SLC7A2: variants seen among roughly 807,000 people sequenced by gnomAD.
The protein encoded by SLC7A2 is cationic amino acid transporter 2.
SLC7A2 carries 48 observed loss-of-function variants against 58.9 expected under a neutral mutation model. The observed-to-expected ratio is 0.82, with a 90% CI of 0.65 to 1.04. SLC7A2 has a LOEUF of 1.04. SLC7A2 is among the 50% of genes least tolerant of loss of function. SLC7A2 has a pLI of 0.00. For synonymous variants in SLC7A2, 363 were observed against 314.5 expected, an observed-to-expected ratio of 1.15 and a Z score of -1.63; for missense variants, 1,029 against 818.8, an observed-to-expected ratio of 1.26 and a Z score of -3.13.
chr8:17,543,845 G>A (rs1015549524), intron 3 of SLC7A2, 130 bp downstream of exon 3: 10 of 759,700 alleles, frequency 1.3e-5, no homozygotes, highest in Admixed American at 8.7e-5. Context: ...TTGTCATCTC[G>A]AAAATGTCTC....
intron 2 of SLC7A2, among the ~76,000 whole-genome samples, chr8:17,508,197 G>C (rs1203566806): frequency 7.2e-5 from 11 of 151,958 alleles, no homozygotes; most frequent in African/African-American, 2.2e-4. Flanking sequence ...GAGCAGACTT[G>C]GCAGAAAATT....
Position 17,566,549 on chromosome 8 carries a change from C to T in SLC7A2, c.*1403C>T, listed in dbSNP as rs1803272526. On this transcript the variant is annotated 3_prime_UTR_variant, in exon 13 of 13. Coordinates refer to ENST00000494857, the MANE Select transcript of SLC7A2 (RefSeq NM_001370338.1). ...CAAGCTCCAGTGTTATACAATAACC[C>T]ATCAGTGATTGGGGAATCAAACATT... 1 of 152,118 alleles carries T rather than the reference C, an allele frequency of 6.6e-6. No homozygotes were observed. Among genetic ancestry groups the T allele is most frequent in the Admixed American group, 6.5e-5 (1 of 15,274 alleles). The allele number at this position is 152,118 out of a possible 1,614,324, so 9.4% of individuals were successfully genotyped here.
Position 17,507,363 on chromosome 8 carries a change from G to A in SLC7A2, c.-23+5061G>A, listed in dbSNP as rs139225843. Among the ~76,000 whole-genome samples the A allele has an allele frequency of 5.3e-3, 806 of 152,238 alleles. 13 individuals carry two copies. Among genetic ancestry groups the A allele is most frequent in the African/African-American group, 0.019 (769 of 41,530 alleles). On this transcript the variant is annotated intron_variant, in intron 2 of 12. Transcript: ENST00000494857. ...AGCTGGAAACTATTTAAATGTGTGT[G>A]TGTGTGTGCATTATTATTATTTTTG...
chr8:17,564,259 G>A (rs1488507987), intron 12 of SLC7A2, among the ~76,000 whole-genome samples: 3 of 152,162 alleles, frequency 2.0e-5, no homozygotes, highest in Non-Finnish European at 4.4e-5. Context: ...GGTATAATTT[G>A]AGACTTTATT....
At position 17,556,222 on chromosome 8, in the gene SLC7A2, A is replaced by T. The variant is rs190240795; in HGVS notation, c.1195+1523A>T. ...TATTTTTAAACAACACATGATATTA[A>T]AGGTAGTTTATAAATATTTTTTGAC... On this transcript the variant is annotated intron_variant, in intron 8 of 12. Coordinates refer to ENST00000494857, the MANE Select transcript of SLC7A2 (RefSeq NM_001370338.1). 5.9e-5 allele frequency among the ~76,000 whole-genome samples: 9 copies of T among 152,232 alleles called. No individual in the cohort carries two copies. The East Asian group carries it at 9.6e-4, about 16-fold the overall frequency.
At chr8:17,559,117 G>A (rs1042507233) in intron 9 of SLC7A2, among the ~76,000 whole-genome samples, 1 of 152,062 alleles carries the variant, frequency 6.6e-6, no homozygotes, top group African/African-American at 2.4e-5. Flanking sequence ...TCTTTATATG[G>A]AGGGAAAATA....
intron 2 of SLC7A2, among the ~76,000 whole-genome samples, chr8:17,503,580 A>G (rs1484044811): frequency 1.3e-5 from 2 of 149,762 alleles, no homozygotes; most frequent in Admixed American, 6.7e-5. Context: ...CTTCATGATA[A>G]TTTGTATCAA....
intron 2 of SLC7A2, among the ~76,000 whole-genome samples, chr8:17,531,916 A>G (rs1321795160): frequency 1.9e-4 from 29 of 152,086 alleles, no homozygotes; most frequent in Admixed American, 2.6e-4. Context: ...CTTAAAGATT[A>G]TGGATATTTC....
At position 17,543,580 on chromosome 8, in the gene SLC7A2, A is replaced by T. The variant is rs1459039067; in HGVS notation, c.241A>T (p.Met81Leu). The change falls in exon 3 of 13, where the codon ATG (methionine) becomes TTG (leucine). Residue 81 changes from methionine to leucine, a missense_variant. By Grantham distance (15) the Met-to-Leu change is conservative. Transcript: ENST00000494857. ...SFLIAALASV[M>L]AGLCYAEFGA... Reference sequence around the variant, plus strand: ...CCTCATTGCTGCCCTGGCTTCAGTGATGGCTGGCCTCTGCTATGCCGAATT... The same window carrying T: ...CCTCATTGCTGCCCTGGCTTCAGTGTTGGCTGGCCTCTGCTATGCCGAATT... 2 of 1,610,532 alleles carry T rather than the reference A, an allele frequency of 1.2e-6. No individual in the cohort carries two copies. Among genetic ancestry groups the T allele is most frequent in the Non-Finnish European group, 1.7e-6 (2 of 1,178,374 alleles).
At chr8:17,511,957 A>C (rs538986532) in intron 2 of SLC7A2, among the ~76,000 whole-genome samples, 33 of 152,314 alleles carry the variant, frequency 2.2e-4, no homozygotes, top group African/African-American at 7.5e-4. Flanking sequence ...GTAAGAAAAT[A>C]ATCTCATTTG....
intron 2 of SLC7A2, among the ~76,000 whole-genome samples, chr8:17,532,935 A>G (rs1025148273): frequency 6.6e-6 from 1 of 152,148 alleles, no homozygotes. Context: ...ACTATAACTT[A>G]CTTTTCTGTC....
chr8:17,501,398 T>A lies in SLC7A2; in HGVS notation c.-68-859T>A, dbSNP rs150012968. 3.7e-3 allele frequency among the ~76,000 whole-genome samples: 557 copies of A among 152,328 alleles called. 6 individuals are homozygous for A. Among genetic ancestry groups the A allele is most frequent in the African/African-American group, 0.013 (536 of 41,580 alleles). ...ACCTCACTGGTAAGTATAATTAGTA[T>A]TGACTTGAGAGAAGATTTGAGTTAA... On this transcript the variant is annotated intron_variant, in intron 1 of 12. Transcript: ENST00000494857.
At position 17,507,355 on chromosome 8, in the gene SLC7A2, ATG is replaced by A. The variant is rs531974314; in HGVS notation, c.-23+5068_-23+5069del. Among the ~76,000 whole-genome samples the A allele has an allele frequency of 2.9e-3, 440 of 151,232 alleles. 3 individuals are homozygous for A. The highest frequency in any genetic ancestry group is 0.01 in the Middle Eastern group (3 of 294). ...TTTTAAAAAGCTGGAAACTATTTAAATGTGTGTGTGTGTGTGCATTATTATTA... is the reference window on the plus strand; with the variant it reads ...TTTTAAAAAGCTGGAAACTATTTAAATGTGTGTGTGTGTGCATTATTATTA... On this transcript the variant is annotated intron_variant, in intron 2 of 12. Coordinates refer to ENST00000494857, the MANE Select transcript of SLC7A2 (RefSeq NM_001370338.1).
At chr8:17,510,010 A>G (rs2150664387) in intron 2 of SLC7A2, among the ~76,000 whole-genome samples, 1 of 152,150 alleles carries the variant, frequency 6.6e-6, no homozygotes, top group African/African-American at 2.4e-5. Context: ...ACTTGAGATC[A>G]GGAGTTTGAG....
intron 2 of SLC7A2, among the ~76,000 whole-genome samples, chr8:17,509,116 G>GGC: frequency 6.6e-6 from 1 of 152,152 alleles, no homozygotes; most frequent in East Asian, 1.9e-4. Flanking sequence ...GAAAGTTCGA[G>GGC]TCATCTGTTT....
Position 17,541,694 on chromosome 8 carries a change from T to G in SLC7A2, c.-22-1624T>G, listed in dbSNP as rs1801917872. Reference sequence around the variant, plus strand: ...GACAATCCCATGTACAGCTCTTTCATTTTTGATATTTCTTTTGCATATAAG... The same window carrying G: ...GACAATCCCATGTACAGCTCTTTCAGTTTTGATATTTCTTTTGCATATAAG... On this transcript the variant is annotated intron_variant, in intron 2 of 12. Transcript: ENST00000494857. Among the ~76,000 whole-genome samples, 5 of 152,242 alleles carry G rather than the reference T, an allele frequency of 3.3e-5. No individual in the cohort carries two copies. The South Asian group carries it at 1.0e-3, about 32-fold the overall frequency.
rs1191176840 is a variant in SLC7A2 at position 17,560,312 on chromosome 8, G to A, written c.1299-16G>A. 3.7e-6 allele frequency: 6 copies of A among 1,604,290 alleles called. No homozygotes were observed. Among genetic ancestry groups the A allele is most frequent in the South Asian group, 1.1e-5 (1 of 90,894 alleles). On this transcript the variant is annotated splice_polypyrimidine_tract_variant and intron_variant, in intron 9 of 12. Transcript: ENST00000494857. Reference sequence around the variant, plus strand: ...TCTATTTGAGAATAAAGACATAGATGTTTGTTTGGAAATAGGTACCAGCCT... The same window carrying A: ...TCTATTTGAGAATAAAGACATAGATATTTGTTTGGAAATAGGTACCAGCCT...
chr8:17,516,236 T>A (rs1477117614), intron 2 of SLC7A2, among the ~76,000 whole-genome samples: 1 of 151,830 alleles, frequency 6.6e-6, no homozygotes, highest in Non-Finnish European at 1.5e-5. Context: ...TTAATTAATT[T>A]TTTTTTTGAG....
At chr8:17,499,572 A>G (rs1383431661) in intron 1 of SLC7A2, among the ~76,000 whole-genome samples, 1 of 148,740 alleles carries the variant, frequency 6.7e-6, no homozygotes, top group African/African-American at 2.5e-5. Flanking sequence ...GATTTTAAAG[A>G]CTCTTATAGA....
Sources: allele counts gnomAD v4.1 joint callset (sites outside exome capture counted in the v4.1 genomes callset), GRCh38; gene constraint gnomAD v4.1.1; transcripts MANE v1.5; gene names NCBI Gene and HGNC (gene_info 2026-07-23, HGNC 2026-07-21).